SNTG2: variants seen among roughly 807,000 people sequenced by gnomAD.
SNTG2 encodes gamma-2-syntrophin.
In SNTG2, 74 loss-of-function variants were observed where a neutral mutation model predicts 70.9. The observed-to-expected ratio is 1.04, with a 90% CI of 0.86 to 1.27. The LOEUF is 1.27. Among genes scored for constraint, SNTG2 ranks in the 50% most tolerant of loss-of-function variants. SNTG2 has a pLI of 0.00. For missense variants in SNTG2, 717 were observed against 690.7 expected, an observed-to-expected ratio of 1.04 and a Z score of -0.43; for synonymous variants, 278 against 273.8, an observed-to-expected ratio of 1.02 and a Z score of -0.15.
chr2:1,114,627 G>T, intron 4 of SNTG2, among the ~76,000 whole-genome samples: 1 of 151,908 alleles, frequency 6.6e-6, no homozygotes, highest in Middle Eastern at 3.2e-3. Context: ...AACCCTTACA[G>T]TCCTTTGAGA....
intron 1 of SNTG2, among the ~76,000 whole-genome samples, chr2:1,078,531 C>T (rs11885848): frequency 0.57 from 85,890 of 151,368 alleles, 24,640 homozygotes; most frequent in East Asian, 0.68. Context: ...GCAGGCACGG[C>T]GGCGCTGCAG....
chr2:960,823 G>A (rs910270474), intron 1 of SNTG2, among the ~76,000 whole-genome samples: 3 of 151,688 alleles, frequency 2.0e-5, no homozygotes, highest in African/African-American at 2.4e-5. Flanking sequence ...ATGGGAGCAC[G>A]GTGAGCTCTG....
At position 957,458 on chromosome 2, in the gene SNTG2, G is replaced by T. The variant is rs182034895; in HGVS notation, c.72+6390G>T. Among the ~76,000 whole-genome samples the T allele has an allele frequency of 5.3e-5, 8 of 152,172 alleles. 1 individual carries two copies. Among genetic ancestry groups the T allele is most frequent in the African/African-American group, 1.9e-4 (8 of 41,504 alleles). On this transcript the variant is annotated intron_variant, in intron 1 of 16. Transcript: ENST00000308624. Reference sequence around the variant, plus strand: ...CTTTATCATGATGCACCTTACGTACGTGCAGACACAGACACACAGAATTTA... The same window carrying T: ...CTTTATCATGATGCACCTTACGTACTTGCAGACACAGACACACAGAATTTA...
intron 6 of SNTG2, among the ~76,000 whole-genome samples, chr2:1,149,720 C>T (rs1449984080): frequency 1.5e-5 from 2 of 137,624 alleles, no homozygotes. Context: ...TGGAATCTGG[C>T]TCTGTTGCCC....
chr2:1,001,294 A>C (rs1275227173), intron 1 of SNTG2, among the ~76,000 whole-genome samples: 1 of 152,062 alleles, frequency 6.6e-6, no homozygotes, highest in Non-Finnish European at 1.5e-5. Context: ...AAAGACATAA[A>C]AGACATCCCA....
intron 14 of SNTG2, among the ~76,000 whole-genome samples, chr2:1,306,593 C>T (rs1015488803): frequency 2.0e-5 from 3 of 152,086 alleles, no homozygotes; most frequent in African/African-American, 7.2e-5. Context: ...GCCCATGGAG[C>T]GGAGCCGTGG....
intron 9 of SNTG2, among the ~76,000 whole-genome samples, chr2:1,232,327 G>A (rs894703473): frequency 1.3e-5 from 2 of 151,886 alleles, no homozygotes; most frequent in Non-Finnish European, 2.9e-5. Flanking sequence ...CCCCTGAGAC[G>A]GAGACTTAGT....
intron 14 of SNTG2, among the ~76,000 whole-genome samples, chr2:1,283,278 C>A (rs958892879): frequency 1.3e-5 from 2 of 152,182 alleles, no homozygotes; most frequent in Non-Finnish European, 2.9e-5. Context: ...TGGCCTGACC[C>A]CTGCTGGGCC....
At chr2:1,121,314 A>G (rs139438095) in intron 4 of SNTG2, among the ~76,000 whole-genome samples, 76 of 152,300 alleles carry the variant, frequency 5.0e-4, no homozygotes, top group African/African-American at 1.7e-3. Context: ...AAGATCCTAA[A>G]TAGCCTAACA....
At chr2:957,445 G>A (rs376319099) in intron 1 of SNTG2, among the ~76,000 whole-genome samples, 1 of 152,198 alleles carries the variant, frequency 6.6e-6, no homozygotes, top group African/African-American at 2.4e-5. Context: ...TTATCATGAT[G>A]CACCTTACGT....
intron 1 of SNTG2, among the ~76,000 whole-genome samples, chr2:1,031,846 C>A (rs902427048): frequency 6.6e-6 from 1 of 151,948 alleles, no homozygotes; most frequent in African/African-American, 2.4e-5. Context: ...ATAGGTCAAT[C>A]CACAGAAACT....
rs1558553138 is a variant in SNTG2 at position 1,222,061 on chromosome 2, CTGTTTCTCTCTGTCTCTG to C, written c.719+12833_719+12850del. ...TGTCTCTCTCTGTCTCTCTCTGTCTCTGTTTCTCTCTGTCTCTGTCTCTGTCTCTCTCTGTCTCTCTCT... is the reference window on the plus strand; with the variant it reads ...TGTCTCTCTCTGTCTCTCTCTGTCTCTCTCTGTCTCTCTCTGTCTCTCTCT... On this transcript the variant is annotated intron_variant, in intron 9 of 16. Coordinates refer to ENST00000308624, the MANE Select transcript of SNTG2 (RefSeq NM_018968.4). 8.0e-4 allele frequency among the ~76,000 whole-genome samples: 42 copies of C among 52,826 alleles called. 7 individuals carry two copies. Among genetic ancestry groups the C allele is most frequent in the Non-Finnish European group, 1.0e-3 (24 of 23,286 alleles). The allele number at this position is 52,826 out of a possible 152,430, so 34.7% of individuals were successfully genotyped here.
At position 1,287,239 on chromosome 2, in the gene SNTG2, G is replaced by A. The variant is rs541371677; in HGVS notation, c.1284+19668G>A. 3.0e-4 allele frequency among the ~76,000 whole-genome samples: 45 copies of A among 152,322 alleles called. 4 individuals carry two copies. The South Asian group carries it at 9.3e-3, about 32-fold the overall frequency. On this transcript the variant is annotated intron_variant, in intron 14 of 16. Coordinates refer to ENST00000308624, the MANE Select transcript of SNTG2 (RefSeq NM_018968.4). ...AATGTTGGAAAGACTTAAAAATTGT[G>A]AAAACTTTTGAACAATTTAATTTCT... is the stretch of plus-strand genomic sequence containing the variant.
At chr2:1,038,679 A>G (rs1202685624) in intron 1 of SNTG2, among the ~76,000 whole-genome samples, 1 of 152,238 alleles carries the variant, frequency 6.6e-6, no homozygotes, top group African/African-American at 2.4e-5. Context: ...AATTGTTTTG[A>G]CACGTGGAAC....
At chr2:1,190,277 C>T (rs532156523) in intron 8 of SNTG2, among the ~76,000 whole-genome samples, 2 of 151,754 alleles carry the variant, frequency 1.3e-5, no homozygotes, top group African/African-American at 2.4e-5. Context: ...AACTTGCCCA[C>T]GTTCTCCCAT....
At chr2:1,200,502 A>T (rs1242747937) in intron 8 of SNTG2, among the ~76,000 whole-genome samples, 1 of 151,950 alleles carries the variant, frequency 6.6e-6, no homozygotes, top group East Asian at 1.9e-4. Context: ...GACAACAAAA[A>T]CTTTTTTAAA....
At chr2:997,692 C>G (rs1048420870) in intron 1 of SNTG2, among the ~76,000 whole-genome samples, 1 of 152,206 alleles carries the variant, frequency 6.6e-6, no homozygotes. Flanking sequence ...CTGTCTAGCT[C>G]TGCCAAACAT....
At chr2:1,264,161 A>T (rs1678601380) in intron 13 of SNTG2, among the ~76,000 whole-genome samples, 1 of 152,244 alleles carries the variant, frequency 6.6e-6, no homozygotes, top group Admixed American at 6.5e-5. Context: ...CATACAATAT[A>T]TGTAGATACT....
At chr2:973,061 T>C (rs1346020330) in intron 1 of SNTG2, among the ~76,000 whole-genome samples, 1 of 152,240 alleles carries the variant, frequency 6.6e-6, no homozygotes, top group African/African-American at 2.4e-5. Flanking sequence ...CTTCCATGTT[T>C]TTAGGAAACT....
Sources: gnomAD v4.1 joint callset for allele counts (sites outside exome capture counted in the v4.1 genomes callset) on GRCh38, gnomAD v4.1.1 for gene constraint, MANE v1.5 for transcripts, NCBI Gene and HGNC (gene_info 2026-07-23, HGNC 2026-07-21) for gene names.